FOXP1: variants seen among roughly 807,000 people sequenced by gnomAD.
FOXP1 encodes the protein forkhead box P1.
FOXP1 carries 15 observed loss-of-function variants against 98.2 expected under a neutral mutation model. That is an observed-to-expected ratio of 0.15 (90% confidence interval 0.10 to 0.24). The LOEUF is 0.24. FOXP1 is among the 10% of genes least tolerant of loss of function. FOXP1 has a pLI of 1.00. For synonymous variants in FOXP1, 371 were observed against 314.5 expected, an observed-to-expected ratio of 1.18 and a Z score of -1.90; for missense variants, 633 against 848.5, an observed-to-expected ratio of 0.75 and a Z score of 3.15.
At chr3:71,542,424 G>A (rs1471356853) in intron 2 of FOXP1, among the ~76,000 whole-genome samples, 40 of 152,218 alleles carry the variant, frequency 2.6e-4, no homozygotes, top group Admixed American at 2.6e-3. Flanking sequence ...GGAGCAGAGC[G>A]ATCGAAATCT....
intron 3 of FOXP1, among the ~76,000 whole-genome samples, chr3:71,482,578 T>C (rs1028130110): frequency 6.6e-6 from 1 of 152,010 alleles, no homozygotes; most frequent in African/African-American, 2.4e-5. Flanking sequence ...TTTTTTATTT[T>C]TAGTAGAGAC....
At chr3:71,016,200 GTGTT>G (rs2044455629) in intron 11 of FOXP1, among the ~76,000 whole-genome samples, 1 of 151,666 alleles carries the variant, frequency 6.6e-6, no homozygotes. Flanking sequence ...CAGATGATTC[GTGTT>G]TTTTTTAAAA....
chr3:71,050,370 T>C (rs1322440779), intron 9 of FOXP1, among the ~76,000 whole-genome samples: 1 of 152,160 alleles, frequency 6.6e-6, no homozygotes, highest in African/African-American at 2.4e-5. Context: ...TAATAAGAAG[T>C]GGCAACAGAA....
intron 5 of FOXP1, 133 bp from the exon 6 acceptor site, chr3:71,198,525 T>A: frequency 1.3e-6 from 1 of 790,614 alleles, no homozygotes; most frequent in Non-Finnish European, 2.1e-6. Flanking sequence ...GTTGTCATTT[T>A]CTTTCACTCA....
chr3:71,134,640 A>G (rs1171828859), intron 6 of FOXP1, among the ~76,000 whole-genome samples: 1 of 152,192 alleles, frequency 6.6e-6, no homozygotes, highest in Non-Finnish European at 1.5e-5. Flanking sequence ...CCAAAGATAC[A>G]CCTTGTAAAT....
chr3:71,237,005 G>A (rs1358170807), intron 5 of FOXP1, among the ~76,000 whole-genome samples: 3 of 151,244 alleles, frequency 2.0e-5, no homozygotes, highest in Non-Finnish European at 4.4e-5. Context: ...AGGCCGAGGC[G>A]GGCAAATCAC....
intron 20 of FOXP1, among the ~76,000 whole-genome samples, chr3:70,962,664 A>C (rs1344432828): frequency 6.6e-6 from 1 of 152,190 alleles, no homozygotes; most frequent in East Asian, 1.9e-4. Flanking sequence ...TGAGGTTCAA[A>C]TGTTGTTTTC....
At chr3:71,488,885 T>C (rs2090858638) in intron 3 of FOXP1, among the ~76,000 whole-genome samples, 1 of 152,220 alleles carries the variant, frequency 6.6e-6, no homozygotes, top group Non-Finnish European at 1.5e-5. Flanking sequence ...ATACTTAAGA[T>C]CATTCGCTCC....
chr3:71,503,176 G>A (rs768686882), intron 2 of FOXP1, among the ~76,000 whole-genome samples: 4 of 152,158 alleles, frequency 2.6e-5, no homozygotes. Context: ...CCTCTGTGGA[G>A]GTAAGTGTGA....
At chr3:71,285,233 C>A (rs1335103140) in intron 5 of FOXP1, among the ~76,000 whole-genome samples, 1 of 152,130 alleles carries the variant, frequency 6.6e-6, no homozygotes, top group Non-Finnish European at 1.5e-5. Context: ...CTCTTATATA[C>A]CCCAGCCCTT....
At chr3:71,178,570 G>A (rs1247922755) in intron 6 of FOXP1, among the ~76,000 whole-genome samples, 2 of 152,084 alleles carry the variant, frequency 1.3e-5, no homozygotes, top group Non-Finnish European at 1.5e-5. Flanking sequence ...TCAATGTGGT[G>A]ACACCTTGCC....
chr3:71,547,750 A>G (rs1295547597), intron 2 of FOXP1, among the ~76,000 whole-genome samples: 2 of 152,168 alleles, frequency 1.3e-5, no homozygotes, highest in African/African-American at 4.8e-5. Context: ...CAACCCTATA[A>G]GCAACCCATT....
At chr3:71,057,469 C>CAA (rs200696075) in intron 7 of FOXP1, among the ~76,000 whole-genome samples, 15 of 86,980 alleles carry the variant, frequency 1.7e-4, no homozygotes, top group Non-Finnish European at 2.8e-4. Flanking sequence ...AAATATAAGG[C>CAA]AAAAAAAAAA....
chr3:71,363,350 G>A (rs1042035120), intron 3 of FOXP1, among the ~76,000 whole-genome samples: 9 of 152,056 alleles, frequency 5.9e-5, no homozygotes, highest in Non-Finnish European at 1.2e-4. Flanking sequence ...AAATAAATTT[G>A]AGTACACGTA....
rs60051890 is a variant in FOXP1, at chr3:71,336,010, C to CAAA, written c.-73+23137_-73+23139dup. Among the ~76,000 whole-genome samples, 43 of 34,092 alleles carry CAAA rather than the reference C, an allele frequency of 1.3e-3. 4 individuals carry two copies. Among genetic ancestry groups the CAAA allele is most frequent in the African/African-American group, 5.5e-3 (38 of 6,886 alleles). 22.4% of individuals were successfully genotyped at this position (34,092 alleles called of 152,430 possible). A position where few individuals can be genotyped will look rare whatever the true frequency, so the allele number is the denominator to read the frequency against. Reference sequence around the variant, plus strand: ...GGGCAATAACAGCGAAACTCCATCTCAAAAAAAAAAAAAAAAAAAAAAAAA... The same window carrying CAAA: ...GGGCAATAACAGCGAAACTCCATCTCAAAAAAAAAAAAAAAAAAAAAAAAAAAA... On this transcript the variant is annotated intron_variant, in intron 4 of 20. Transcript: ENST00000649528.
intron 19 of FOXP1, chr3:70,969,169 T>G (rs1056593313): frequency 4.0e-5 from 6 of 151,880 alleles, no homozygotes; most frequent in African/African-American, 1.5e-4. Flanking sequence ...AATGTGCTTG[T>G]AATCTTAATA....
chr3:71,481,286 A>G (rs1008961), intron 3 of FOXP1, among the ~76,000 whole-genome samples: 4,014 of 152,294 alleles, frequency 0.026, 161 homozygotes, highest in African/African-American at 0.091. Flanking sequence ...TTTAAAGGTG[A>G]GGAAACTGAG....
At chr3:71,148,091 T>C (rs546290712) in intron 6 of FOXP1, among the ~76,000 whole-genome samples, 1 of 152,274 alleles carries the variant, frequency 6.6e-6, no homozygotes, top group African/African-American at 2.4e-5. Flanking sequence ...AAAATACAAA[T>C]GTCGGCCAGG....
chr3:71,532,918 C>T (rs1426220442), intron 2 of FOXP1, among the ~76,000 whole-genome samples: 1 of 152,182 alleles, frequency 6.6e-6, no homozygotes, highest in Non-Finnish European at 1.5e-5. Flanking sequence ...GAGGTATACA[C>T]ACTTCATCCT....
Sources: allele counts gnomAD v4.1 joint callset (sites outside exome capture counted in the v4.1 genomes callset), GRCh38; gene constraint gnomAD v4.1.1; transcripts MANE v1.5; gene names NCBI Gene and HGNC (gene_info 2026-07-23, HGNC 2026-07-21).